CRPPA: variants seen among roughly 807,000 people sequenced by gnomAD.
CRPPA encodes the protein CDP-L-ribitol pyrophosphorylase A, also known as D-ribitol-5-phosphate cytidylyltransferase.
A neutral mutation model predicts 52.0 loss-of-function variants in CRPPA; 43 were observed. That is an observed-to-expected ratio of 0.83 (90% confidence interval 0.65 to 1.07). The LOEUF (loss-of-function observed/expected upper bound fraction) is 1.07. CRPPA is among the 50% of genes least tolerant of loss of function. The pLI is 0.00. For synonymous variants in CRPPA, 250 were observed against 203.5 expected (o/e 1.23, Z -1.94); for missense variants, 629 against 551.7 (o/e 1.14, Z -1.40).
At chr7:16,344,918 G>C (rs1384478449) in intron 3 of CRPPA, among the ~76,000 whole-genome samples, 3 of 151,878 alleles carry the variant, frequency 2.0e-5, no homozygotes, top group African/African-American at 4.8e-5. Context: ...GGACAGGACA[G>C]AGAAAGGAGC....
chr7:16,367,102 G>T, intron 3 of CRPPA, among the ~76,000 whole-genome samples: 1 of 151,844 alleles, frequency 6.6e-6, no homozygotes, highest in East Asian at 1.9e-4. Flanking sequence ...TTCTTCATAT[G>T]TTCTTTCACT....
At chr7:16,235,268 C>T (rs892642208) in intron 8 of CRPPA, among the ~76,000 whole-genome samples, 4 of 151,986 alleles carry the variant, frequency 2.6e-5, no homozygotes, top group African/African-American at 4.8e-5. Flanking sequence ...TCTATCAAAA[C>T]TTTGAGATAG....
At chr7:16,322,008 T>C (rs2001789936) in intron 3 of CRPPA, among the ~76,000 whole-genome samples, 1 of 152,160 alleles carries the variant, frequency 6.6e-6, no homozygotes, top group Non-Finnish European at 1.5e-5. Flanking sequence ...CATTCTACTC[T>C]GGAGCCAGAA....
chr7:16,218,151 A>G (rs1434434137), intron 8 of CRPPA, among the ~76,000 whole-genome samples: 1 of 151,968 alleles, frequency 6.6e-6, no homozygotes, highest in Non-Finnish European at 1.5e-5. Context: ...ATTCTTAAAG[A>G]AAAGAAATTT....
At chr7:16,123,001 T>C (rs1782507500) in intron 9 of CRPPA, among the ~76,000 whole-genome samples, 1 of 151,982 alleles carries the variant, frequency 6.6e-6, no homozygotes, top group African/African-American at 2.4e-5. Flanking sequence ...GCAAAATAGA[T>C]TTGTTTAAAA....
intron 3 of CRPPA, among the ~76,000 whole-genome samples, chr7:16,340,137 A>C (rs1246930396): frequency 6.6e-6 from 1 of 152,110 alleles, no homozygotes; most frequent in Non-Finnish European, 1.5e-5. Context: ...TAAAATACAT[A>C]ACTATAAAAC....
At chr7:16,172,764 AT>A (rs1404176002) in intron 9 of CRPPA, among the ~76,000 whole-genome samples, 3 of 152,208 alleles carry the variant, frequency 2.0e-5, no homozygotes, top group Non-Finnish European at 4.4e-5. Context: ...TTTCAGGAAC[AT>A]TTGAATAGGA....
intron 4 of CRPPA, among the ~76,000 whole-genome samples, chr7:16,303,714 A>G (rs983861767): frequency 1.3e-5 from 2 of 152,178 alleles, no homozygotes; most frequent in Non-Finnish European, 2.9e-5. Context: ...AAAATGCTGG[A>G]TAACTATATA....
intron 3 of CRPPA, among the ~76,000 whole-genome samples, chr7:16,332,991 C>G (rs1293042894): frequency 6.6e-6 from 1 of 151,940 alleles, no homozygotes. Flanking sequence ...ATTTCACACA[C>G]AACCAAATTC....
intron 2 of CRPPA, among the ~76,000 whole-genome samples, chr7:16,397,498 GAC>G (rs1251169451): frequency 6.6e-6 from 1 of 151,966 alleles, no homozygotes; most frequent in African/African-American, 2.4e-5. Context: ...AAACATGACT[GAC>G]ACATAACATG....
At chr7:16,263,145 C>G (rs1783856038) in intron 6 of CRPPA, among the ~76,000 whole-genome samples, 1 of 152,126 alleles carries the variant, frequency 6.6e-6, no homozygotes, top group African/African-American at 2.4e-5. Context: ...TCATTAAAAA[C>G]ATGTAACTTT....
intron 9 of CRPPA, among the ~76,000 whole-genome samples, chr7:16,213,618 G>A (rs1782212749): frequency 6.6e-6 from 1 of 151,768 alleles, no homozygotes; most frequent in South Asian, 2.1e-4. Context: ...GCATGGTGGC[G>A]GGCACCCATA....
chr7:16,387,088 C>CGTATATATATAT (rs1562671736), intron 2 of CRPPA, among the ~76,000 whole-genome samples: 25 of 34,784 alleles, frequency 7.2e-4, no homozygotes, highest in African/African-American at 2.8e-3. Flanking sequence ...TATATATATA[C>CGTATATATATAT]ACACATATAT....
chr7:16,210,993 C>T (rs1782119965), intron 9 of CRPPA, among the ~76,000 whole-genome samples: 1 of 152,106 alleles, frequency 6.6e-6, no homozygotes, highest in Non-Finnish European at 1.5e-5. Context: ...GTTCCTAGCA[C>T]AAAGAAAAGA....
At chr7:16,303,490 A>AAAAAAAAAAAAAAAC (rs1784836637) in intron 4 of CRPPA, among the ~76,000 whole-genome samples, 2 of 146,962 alleles carry the variant, frequency 1.4e-5, no homozygotes, top group East Asian at 2.0e-4. Flanking sequence ...AAAAAAAAAA[A>AAAAAAAAAAAAAAAC]AAAAAAAAAA....
intron 9 of CRPPA, among the ~76,000 whole-genome samples, chr7:16,121,348 A>G (rs1055295114): frequency 2.0e-5 from 3 of 152,180 alleles, no homozygotes; most frequent in Non-Finnish European, 4.4e-5. Flanking sequence ...TCTAATACAC[A>G]TTCACACCTC....
chr7:16,186,278 AAGGTAATT>A (rs2128389085), intron 9 of CRPPA, among the ~76,000 whole-genome samples: 1 of 152,250 alleles, frequency 6.6e-6, no homozygotes, highest in African/African-American at 2.4e-5. Flanking sequence ...GGTCTTTTGG[AAGGTAATT>A]AGGTCAGAAG....
chr7:16,334,245 C>T (rs79523177), intron 3 of CRPPA, among the ~76,000 whole-genome samples: 111 of 152,286 alleles, frequency 7.3e-4, no homozygotes, highest in African/African-American at 2.6e-3. Flanking sequence ...GGTCAAGAAG[C>T]AACTACAGGT....
At chr7:16,132,242 C>T (rs939886637) in intron 9 of CRPPA, among the ~76,000 whole-genome samples, 2 of 74,668 alleles carry the variant, frequency 2.7e-5, no homozygotes, top group South Asian at 9.1e-4. Context: ...TTCTATTATC[C>T]GCTTTCAGAG....
Sources: gnomAD v4.1 joint callset for allele counts (sites outside exome capture counted in the v4.1 genomes callset) on GRCh38, gnomAD v4.1.1 for gene constraint, MANE v1.5 for transcripts, NCBI Gene and HGNC (gene_info 2026-07-23, HGNC 2026-07-21) for gene names.